BACE2: variants seen among roughly 807,000 people sequenced by gnomAD.
The protein encoded by BACE2 is 56 kDa aspartic-like protease.
BACE2 carries 17 observed loss-of-function variants against 46.2 expected under a neutral mutation model. The observed-to-expected ratio is 0.37, with a 90% CI of 0.25 to 0.55. BACE2 has a LOEUF of 0.55. Ranked by LOEUF, BACE2 falls within the 20% of genes least tolerant of loss-of-function variation. The probability of loss-of-function intolerance (pLI) is 0.82; values close to 1 mark genes in which losing one functional copy is unlikely to be tolerated. For synonymous variants in BACE2, 277 were observed against 295.9 expected, an observed-to-expected ratio of 0.94 and a Z score of 0.66; for missense variants, 595 against 698.1, an observed-to-expected ratio of 0.85 and a Z score of 1.66.
In BACE2 at chr21:41,193,119, G is replaced by T. The variant is rs147814869; in HGVS notation, c.312+24544G>T. ...AACTAATGGACCAGTGTGATATCTC[G>T]TGGAAACGAAAAGCGATCAAGGTCT... On this transcript the variant is annotated intron_variant, in intron 1 of 8. Transcript: ENST00000330333. The surrounding 1 kb of genome is among the most constrained non-coding windows in gnomAD (Gnocchi z 4.2). Among the ~76,000 whole-genome samples, 2 of 152,144 alleles carry T rather than the reference G, an allele frequency of 1.3e-5. No homozygotes were observed. Among genetic ancestry groups the T allele is most frequent in the Non-Finnish European group, 2.9e-5 (2 of 68,034 alleles).
intron 2 of BACE2, among the ~76,000 whole-genome samples, chr21:41,234,606 A>G (rs1381406121): frequency 6.6e-6 from 1 of 152,236 alleles, no homozygotes; most frequent in African/African-American, 2.4e-5. Context: ...CCTATTCTCC[A>G]AGCATTTCAA....
At chr21:41,175,826 T>G (rs181994676) in intron 1 of BACE2, 1 of 152,166 alleles carries the variant, frequency 6.6e-6, no homozygotes, top group Non-Finnish European at 1.5e-5. Flanking sequence ...TTGGTGGAGG[T>G]GGGCATGAAT....
At chr21:41,169,709 A>G (rs1568852154) in intron 1 of BACE2, among the ~76,000 whole-genome samples, 2 of 152,238 alleles carry the variant, frequency 1.3e-5, no homozygotes, top group East Asian at 1.9e-4. Context: ...CTTTTAAAAA[A>G]GGAAACTGCC....
At chr21:41,211,071 T>G (rs995007622) in intron 1 of BACE2, among the ~76,000 whole-genome samples, 4 of 152,114 alleles carry the variant, frequency 2.6e-5, no homozygotes, top group Admixed American at 1.3e-4. Context: ...AATATTGTGT[T>G]GATTTTTTTT....
Position 41,226,305 on chromosome 21 carries a change from G to A in BACE2, c.352G>A (p.Val118Met), listed in dbSNP as rs372472410. The change falls in exon 2 of 9, where the codon GTG (valine) becomes ATG (methionine). Residue 118 changes from valine to methionine, a missense_variant. Coordinates refer to ENST00000330333, the MANE Select transcript of BACE2 (RefSeq NM_012105.5). ...LVDTGSSNFA[V>M]AGTPHSYIDT... Reference sequence around the variant, plus strand: ...TGACACTGGAAGCAGTAACTTTGCCGTGGCAGGAACCCCGCACTCCTACAT... The same window carrying A: ...TGACACTGGAAGCAGTAACTTTGCCATGGCAGGAACCCCGCACTCCTACAT... 17 of 1,613,732 alleles carry A rather than the reference G, an allele frequency of 1.1e-5. No homozygotes were observed. The African/African-American group carries it at 1.3e-4, about 13-fold the overall frequency.
At position 41,250,820 on chromosome 21, in the gene BACE2, T is replaced by G; in HGVS notation, c.1053T>G (p.Pro351=). The G allele has an allele frequency of 1.2e-6, 2 of 1,614,216 alleles. No individual in the cohort carries two copies. The highest frequency in any genetic ancestry group is 1.7e-6 in the Non-Finnish European group (2 of 1,180,014). The change falls in exon 7 of 9, where the codon CCT becomes CCG. Residue 351 remains proline (P), a synonymous_variant. Transcript: ENST00000330333. Reference sequence around the variant, plus strand: ...CGTGCTGGACGAATTCGGAAACACCTTGGTCTTACTTCCCTAAAATCTCCA... The same window carrying G: ...CGTGCTGGACGAATTCGGAAACACCGTGGTCTTACTTCCCTAAAATCTCCA... ...QLACWTNSET[P]WSYFPKISIY...
intron 2 of BACE2, among the ~76,000 whole-genome samples, chr21:41,232,736 A>C (rs1031270819): frequency 1.2e-4 from 18 of 152,156 alleles, no homozygotes; most frequent in African/African-American, 4.1e-4. Context: ...GCCTCACCAG[A>C]AGCAGATGCC....
intron 1 of BACE2, among the ~76,000 whole-genome samples, chr21:41,211,330 C>T (rs948953184): frequency 1.3e-5 from 2 of 152,088 alleles, no homozygotes; most frequent in Admixed American, 1.3e-4. Context: ...CACACACAGC[C>T]AGAATAAATT....
At chr21:41,209,397 T>G (rs1986229635) in intron 1 of BACE2, among the ~76,000 whole-genome samples, 1 of 152,180 alleles carries the variant, frequency 6.6e-6, no homozygotes, top group Non-Finnish European at 1.5e-5. Context: ...GGAGTCCATC[T>G]GAGGGAGGAG....
chr21:41,171,707 A>G (rs1232235026), intron 1 of BACE2, among the ~76,000 whole-genome samples: 1 of 152,228 alleles, frequency 6.6e-6, no homozygotes, highest in African/African-American at 2.4e-5. Context: ...TTAACACAAT[A>G]ACTCCAGCTG....
intron 1 of BACE2, chr21:41,179,541 G>C (rs1236477015): frequency 7.3e-7 from 1 of 1,363,266 alleles, no homozygotes; most frequent in Non-Finnish European, 9.8e-7. Context: ...AGGAGTGAGG[G>C]TGTCAGGGTG....
intron 3 of BACE2, 80 bp from the exon 4 acceptor site, chr21:41,241,739 G>T: frequency 6.6e-7 from 1 of 1,517,048 alleles, no homozygotes; most frequent in Non-Finnish European, 9.0e-7. Flanking sequence ...AATGTCTGTG[G>T]CGCGTGGCGT....
chr21:41,206,641 G>A (rs1986135954), intron 1 of BACE2, among the ~76,000 whole-genome samples: 1 of 152,206 alleles, frequency 6.6e-6, no homozygotes, highest in African/African-American at 2.4e-5. Flanking sequence ...AATGGAGAGT[G>A]AGGAGTTGTT....
intron 1 of BACE2, among the ~76,000 whole-genome samples, chr21:41,199,227 T>A (rs559004861): frequency 6.6e-6 from 1 of 152,214 alleles, no homozygotes; most frequent in East Asian, 1.9e-4. Flanking sequence ...CGTCTGCTCC[T>A]CTTTCCCCTT....
chr21:41,182,639 T>C (rs1475929629), intron 1 of BACE2: 14 of 167,178 alleles, frequency 8.4e-5, no homozygotes, highest in Admixed American at 2.6e-4. Flanking sequence ...TTCTAGTTCT[T>C]GGCTTCCATA....
In BACE2 at chr21:41,241,321, C is replaced by T. The variant is rs1261310917; in HGVS notation, c.619-498C>T. On this transcript the variant is annotated intron_variant, in intron 3 of 8. Coordinates refer to ENST00000330333, the MANE Select transcript of BACE2 (RefSeq NM_012105.5). ...CCAGAGTTCATCTGGCAGAGCTAAG[C>T]CTCACCCCAGGCTCTGGGGTCCGGG... Among the ~76,000 whole-genome samples the T allele has an allele frequency of 2.0e-5, 3 of 152,174 alleles. No homozygotes were observed. In the East Asian group the frequency reaches 5.8e-4, roughly 29 times the overall value.
chr21:41,235,221 A>C (rs931074964), intron 2 of BACE2, among the ~76,000 whole-genome samples: 4 of 152,210 alleles, frequency 2.6e-5, no homozygotes, highest in African/African-American at 9.7e-5. Context: ...GTTTTGAAGG[A>C]GAGTCTGTCT....
intron 8 of BACE2, among the ~76,000 whole-genome samples, chr21:41,266,987 G>C (rs1052245057): frequency 6.7e-6 from 1 of 149,714 alleles, no homozygotes; most frequent in African/African-American, 2.5e-5. Flanking sequence ...TGTGTTCATG[G>C]TCATTTGTGT....
chr21:41,236,755 G>C (rs1987130583), intron 2 of BACE2: 1 of 152,200 alleles, frequency 6.6e-6, no homozygotes, highest in Non-Finnish European at 1.5e-5. Flanking sequence ...CCTCCCTCTG[G>C]GATGCCGGCA....
Sources: gnomAD v4.1 joint callset for allele counts (sites outside exome capture counted in the v4.1 genomes callset) on GRCh38, gnomAD v4.1.1 for gene constraint, Gnocchi (gnomAD v3.1) non-coding constraint, MANE v1.5 for transcripts, NCBI Gene and HGNC (gene_info 2026-07-23, HGNC 2026-07-21) for gene names.